The following CMC1 variants were observed in gnomAD, a reference collection of about 807,000 sequenced individuals.
The protein encoded by CMC1 is COX assembly mitochondrial protein homolog.
In CMC1, 14 loss-of-function variants were observed where a neutral mutation model predicts 14.1. That is an observed-to-expected ratio of 0.99 (90% CI 0.66 to 1.55). The LOEUF (loss-of-function observed/expected upper bound fraction) is 1.55, where lower values mean the gene tolerates loss of function less well. Among genes scored for constraint, CMC1 ranks in the 40% most tolerant of loss-of-function variants. The pLI is 0.00. For missense variants in CMC1, 127 were observed against 123.8 expected (o/e 1.03, Z -0.12); for synonymous variants, 50 against 38.4 (o/e 1.30, Z -1.12).
chr3:28,321,216 A>G lies in CMC1; in HGVS notation c.*1587A>G, dbSNP rs993629452. On this transcript the variant is annotated 3_prime_UTR_variant, in exon 4 of 4. Coordinates refer to ENST00000466830, the MANE Select transcript of CMC1 (RefSeq NM_182523.2). ...ACAGCATAGGGGCAAACATGCCCAT[A>G]TTTCCACATTGACCTTTGGTATTGG... is the stretch of plus-strand genomic sequence containing the variant. 2.6e-5 allele frequency: 4 copies of G among 151,462 alleles called. No homozygotes were observed. Among genetic ancestry groups the G allele is most frequent in the Non-Finnish European group, 5.9e-5 (4 of 67,582 alleles). The allele number at this position is 151,462 out of a possible 1,614,324, so 9.4% of individuals were successfully genotyped here.
chr3:28,246,680 C>T (rs1315926744), intron 1 of CMC1, among the ~76,000 whole-genome samples: 1 of 151,952 alleles, frequency 6.6e-6, no homozygotes, highest in Admixed American at 6.6e-5. Flanking sequence ...CAAGGTTTTG[C>T]CCTGTTTTGT....
intron 1 of CMC1, among the ~76,000 whole-genome samples, chr3:28,256,444 T>A (rs79244181): frequency 2.6e-5 from 4 of 152,130 alleles, no homozygotes; most frequent in African/African-American, 9.7e-5. Context: ...TCTTTGATAA[T>A]CTTCTTTATG....
intron 2 of CMC1, among the ~76,000 whole-genome samples, chr3:28,267,332 T>C (rs771738547): frequency 2.0e-5 from 3 of 152,236 alleles, no homozygotes; most frequent in Non-Finnish European, 4.4e-5. Context: ...ACATTTGCTA[T>C]AAAGTCTCTA....
chr3:28,306,441 A>T (rs545062364), intron 2 of CMC1, among the ~76,000 whole-genome samples: 1 of 151,926 alleles, frequency 6.6e-6, no homozygotes, highest in African/African-American at 2.4e-5. Flanking sequence ...GTGTGTGGCT[A>T]TTGTAAATGG....
intron 1 of CMC1, among the ~76,000 whole-genome samples, chr3:28,259,172 A>T (rs964864775): frequency 6.6e-6 from 1 of 151,582 alleles, no homozygotes; most frequent in African/African-American, 2.4e-5. Flanking sequence ...TAATAATAGG[A>T]AACTACAAAA....
chr3:28,304,605 T>C (rs976610825), intron 2 of CMC1, among the ~76,000 whole-genome samples: 5 of 152,176 alleles, frequency 3.3e-5, no homozygotes, highest in African/African-American at 9.6e-5. Flanking sequence ...TTGACAATAA[T>C]GATTATTCCT....
chr3:28,279,667 A>T (rs1363722469), intron 2 of CMC1, among the ~76,000 whole-genome samples: 1 of 152,176 alleles, frequency 6.6e-6, no homozygotes, highest in Non-Finnish European at 1.5e-5. Context: ...AAAAAAAAAA[A>T]ACTGACATAA....
chr3:28,258,370 T>C (rs1490270240), intron 1 of CMC1, among the ~76,000 whole-genome samples: 1 of 151,712 alleles, frequency 6.6e-6, no homozygotes, highest in Non-Finnish European at 1.5e-5. Flanking sequence ...AGAAACTGTC[T>C]ACTCCAAGGA....
chr3:28,286,096 A>G (rs1026352680), intron 2 of CMC1, among the ~76,000 whole-genome samples: 9 of 152,254 alleles, frequency 5.9e-5, no homozygotes, highest in Admixed American at 4.6e-4. Flanking sequence ...TTTTTGGTAC[A>G]TACATTTTAT....
chr3:28,283,195 G>A (rs1348069940), intron 2 of CMC1, among the ~76,000 whole-genome samples: 9 of 152,068 alleles, frequency 5.9e-5, no homozygotes, highest in Non-Finnish European at 1.3e-4. Context: ...GTCAAACCAT[G>A]GGTAAATATC....
chr3:28,257,850 G>A (rs1699499154), intron 1 of CMC1, among the ~76,000 whole-genome samples: 1 of 151,978 alleles, frequency 6.6e-6, no homozygotes, highest in South Asian at 2.1e-4. Context: ...GAATACCTAG[G>A]AGTGGAACAT....
chr3:28,252,139 C>CT (rs757098517), intron 1 of CMC1, among the ~76,000 whole-genome samples: 14 of 152,170 alleles, frequency 9.2e-5, no homozygotes, highest in Non-Finnish European at 1.9e-4. Flanking sequence ...CTGGCCTCCT[C>CT]TTGGTTAAAG....
chr3:28,248,806 T>C (rs1418201732), intron 1 of CMC1, among the ~76,000 whole-genome samples: 1 of 152,214 alleles, frequency 6.6e-6, no homozygotes, highest in Admixed American at 6.5e-5. Flanking sequence ...TTCTTTTTTT[T>C]TGAGACAGAG....
intron 2 of CMC1, among the ~76,000 whole-genome samples, chr3:28,284,730 CTGTGTGTGTG>C (rs147368414): frequency 1.3e-5 from 2 of 150,258 alleles, no homozygotes; most frequent in African/African-American, 2.4e-5. Flanking sequence ...TGTTAGATTT[CTGTGTGTGTG>C]TGTGTGTGTG....
chr3:28,322,854 A>G lies in CMC1; in HGVS notation c.*3225A>G, dbSNP rs1703229504. 6.6e-6 allele frequency: 1 copy of G among 151,288 alleles called. No individual in the cohort carries two copies. Among genetic ancestry groups the G allele is most frequent in the South Asian group, 2.1e-4 (1 of 4,830 alleles). The allele number at this position is 151,288 out of a possible 1,614,324, so 9.4% of individuals were successfully genotyped here. A position where few individuals can be genotyped will look rare whatever the true frequency, so the allele number is the denominator to read the frequency against. On this transcript the variant is annotated 3_prime_UTR_variant, in exon 4 of 4. Coordinates refer to ENST00000466830, the MANE Select transcript of CMC1 (RefSeq NM_182523.2). The stretch of plus-strand genomic sequence containing the variant: ...AGATCTGAGATATTGAGTTCAAGAT[A>G]TATGAAACTGTCTATCAAAAAGGAT...
At chr3:28,275,598 A>G (rs971447947) in intron 2 of CMC1, among the ~76,000 whole-genome samples, 6 of 152,144 alleles carry the variant, frequency 3.9e-5, no homozygotes, top group Non-Finnish European at 7.3e-5. Flanking sequence ...CAGGTGGCAC[A>G]GGATCAGGGA....
intron 1 of CMC1, among the ~76,000 whole-genome samples, chr3:28,255,722 T>TAC (rs372487968): frequency 0.063 from 9,097 of 144,260 alleles, 475 homozygotes; most frequent in African/African-American, 0.14. Flanking sequence ...TACATGTACA[T>TAC]ACACACACAC....
At chr3:28,264,682 C>T (rs1699914134) in intron 2 of CMC1, among the ~76,000 whole-genome samples, 1 of 152,036 alleles carries the variant, frequency 6.6e-6, no homozygotes, top group Admixed American at 6.6e-5. Context: ...CCTGCACATT[C>T]CTCATACAAC....
chr3:28,277,838 G>A (rs115319838), intron 2 of CMC1, among the ~76,000 whole-genome samples: 1,625 of 152,278 alleles, frequency 0.011, 30 homozygotes, highest in African/African-American at 0.037. Flanking sequence ...AGTGAATAGG[G>A]AGGAGTTCAG....
Sources: allele counts gnomAD v4.1 joint callset (sites outside exome capture counted in the v4.1 genomes callset), GRCh38; gene constraint gnomAD v4.1.1; transcripts MANE v1.5; gene names NCBI Gene and HGNC (gene_info 2026-07-23, HGNC 2026-07-21).